Variants in NEK6 observed in about 807,000 individuals in gnomAD.
NEK6 encodes the protein NIMA related kinase 6.
NEK6 carries 27 observed loss-of-function variants against 43.5 expected under a neutral mutation model. The observed-to-expected ratio is 0.62, with a 90% CI of 0.46 to 0.86. The LOEUF (loss-of-function observed/expected upper bound fraction) is 0.86, where lower values mean the gene tolerates loss of function less well. NEK6 is among the 40% of genes least tolerant of loss of function. NEK6 has a pLI of 0.00. For missense variants in NEK6, 318 were observed against 414.4 expected, an observed-to-expected ratio of 0.77 and a Z score of 2.02; for synonymous variants, 167 against 164.1, an observed-to-expected ratio of 1.02 and a Z score of -0.14.
chr9:124,326,715 C>T lies in NEK6; in HGVS notation c.514+277C>T, dbSNP rs1834357942. On this transcript the variant is annotated intron_variant, in intron 6 of 9. Coordinates refer to ENST00000320246, the MANE Select transcript of NEK6 (RefSeq NM_014397.6). This position sits in a 1 kb window ranked among gnomAD's most constrained non-coding sequence, Gnocchi z 4.5. ...CAGCCTGGGAGGGAGGTCGAGGAAG[C>T]CTCGCACAGAGGGGACTTTCATGGG... 6.6e-6 allele frequency among the ~76,000 whole-genome samples: 1 copy of T among 152,190 alleles called. No individual in the cohort carries two copies. The highest frequency in any genetic ancestry group is 6.5e-5 in the Admixed American group (1 of 15,284).
intron 9 of NEK6, among the ~76,000 whole-genome samples, chr9:124,348,359 C>T (rs1447766393): frequency 6.6e-6 from 1 of 152,200 alleles, no homozygotes; most frequent in Non-Finnish European, 1.5e-5. Flanking sequence ...ATGGGTCTGG[C>T]ATGGGGCTGT....
chr9:124,290,316 G>A (rs953657159), intron 1 of NEK6, among the ~76,000 whole-genome samples: 7 of 152,234 alleles, frequency 4.6e-5, no homozygotes, highest in South Asian at 2.1e-4. Flanking sequence ...GGTGCCACAC[G>A]CACCAGGTCC....
At chr9:124,339,719 C>T in intron 8 of NEK6, 54 bp downstream of exon 8, 1 of 1,326,668 alleles carries the variant, frequency 7.5e-7, no homozygotes, top group Non-Finnish European at 1.1e-6. Flanking sequence ...ATGGGGGGTG[C>T]CCAGTTAGGA....
chr9:124,261,312 C>G (rs1831021832), intron 1 of NEK6: 1 of 797,476 alleles, frequency 1.3e-6, no homozygotes, highest in Non-Finnish European at 1.5e-6. Flanking sequence ...GCCCCAGATA[C>G]TTTTCATAAG....
In NEK6 at chr9:124,326,808, C is replaced by G. The variant is rs184013019; in HGVS notation, c.514+370C>G. 2.0e-5 allele frequency among the ~76,000 whole-genome samples: 3 copies of G among 152,296 alleles called. No individual in the cohort carries two copies. In the East Asian group the frequency reaches 5.8e-4, roughly 29 times the overall value. On this transcript the variant is annotated intron_variant, in intron 6 of 9. Coordinates refer to ENST00000320246, the MANE Select transcript of NEK6 (RefSeq NM_014397.6). The surrounding 1 kb of genome is among the most constrained non-coding windows in gnomAD (Gnocchi z 4.5). ...CTGAGAGGGGTGTTTCCACAGTTGA[C>G]ATGATTCCGAGTTGTGAGAAAGGAG...
At chr9:124,285,862 GATA>G (rs1031167579) in intron 1 of NEK6, among the ~76,000 whole-genome samples, 6 of 152,182 alleles carry the variant, frequency 3.9e-5, no homozygotes, top group Non-Finnish European at 1.5e-5. Flanking sequence ...GTAAAACGGA[GATA>G]ATAATTTACC....
chr9:124,278,737 A>G (rs1831758721), intron 1 of NEK6, among the ~76,000 whole-genome samples: 1 of 152,192 alleles, frequency 6.6e-6, no homozygotes, highest in African/African-American at 2.4e-5. Context: ...GACACATTAT[A>G]CAGCTGGGGA....
At chr9:124,283,024 A>G (rs1323657832) in intron 1 of NEK6, among the ~76,000 whole-genome samples, 1 of 152,204 alleles carries the variant, frequency 6.6e-6, no homozygotes, top group East Asian at 1.9e-4. Context: ...CTGTTCCCCC[A>G]GAGGCCTTTA....
chr9:124,314,093 C>G, intron 4 of NEK6, 108 bp downstream of exon 4: 1 of 977,394 alleles, frequency 1.0e-6, no homozygotes, highest in Non-Finnish European at 1.6e-6. Context: ...GAATCCGCAG[C>G]CCCTGCTAAG....
chr9:124,344,455 G>A (rs1301132251), intron 8 of NEK6, among the ~76,000 whole-genome samples: 2 of 152,214 alleles, frequency 1.3e-5, no homozygotes, highest in Non-Finnish European at 2.9e-5. Flanking sequence ...CCTGGCCCTC[G>A]GGTGGGGCCC....
intron 1 of NEK6, among the ~76,000 whole-genome samples, chr9:124,299,131 C>T (rs1211981531): frequency 1.3e-5 from 2 of 152,248 alleles, no homozygotes; most frequent in African/African-American, 4.8e-5. Flanking sequence ...ATTCCACTGC[C>T]ACAGTTTCCA....
chr9:124,299,550 G>A (rs1337239011), intron 1 of NEK6, among the ~76,000 whole-genome samples: 3 of 152,182 alleles, frequency 2.0e-5, no homozygotes, highest in South Asian at 2.1e-4. Flanking sequence ...GCAAGAACTC[G>A]GCACAAATGG....
intron 1 of NEK6, chr9:124,292,912 G>A: frequency 1.3e-6 from 2 of 1,514,324 alleles, no homozygotes; most frequent in Non-Finnish European, 1.8e-6. Context: ...GGAGTGACGG[G>A]GTGAGTCCAG....
chr9:124,282,656 A>G (rs1383156551), intron 1 of NEK6, among the ~76,000 whole-genome samples: 1 of 150,958 alleles, frequency 6.6e-6, no homozygotes, highest in Non-Finnish European at 1.5e-5. Context: ...CTGAATACTC[A>G]GGGGCACGGG....
At chr9:124,283,987 A>C (rs1832039125) in intron 1 of NEK6, among the ~76,000 whole-genome samples, 1 of 152,174 alleles carries the variant, frequency 6.6e-6, no homozygotes, top group South Asian at 2.1e-4. Flanking sequence ...CCATTGAGTG[A>C]GCAAATAATG....
chr9:124,280,883 C>T (rs1831874608), intron 1 of NEK6, among the ~76,000 whole-genome samples: 1 of 152,028 alleles, frequency 6.6e-6, no homozygotes, highest in African/African-American at 2.4e-5. Context: ...GCCTTGACTT[C>T]CTGGGCTCAA....
intron 4 of NEK6, among the ~76,000 whole-genome samples, chr9:124,316,335 A>T (rs993247683): frequency 1.3e-5 from 2 of 152,218 alleles, no homozygotes; most frequent in African/African-American, 4.8e-5. Flanking sequence ...TCACCACTGA[A>T]TGCTGGACAC....
At chr9:124,285,894 T>C (rs547830449) in intron 1 of NEK6, among the ~76,000 whole-genome samples, 2 of 152,316 alleles carry the variant, frequency 1.3e-5, no homozygotes, top group African/African-American at 4.8e-5. Flanking sequence ...AAGGCTGTTA[T>C]GAGGATTAAA....
chr9:124,292,342 A>G, intron 1 of NEK6: 3 of 1,464,372 alleles, frequency 2.0e-6, no homozygotes, highest in East Asian at 2.5e-5. Flanking sequence ...CTGCTTTCAC[A>G]TTGAGTAATC....
Sources: gnomAD v4.1 joint callset for allele counts (sites outside exome capture counted in the v4.1 genomes callset) on GRCh38, gnomAD v4.1.1 for gene constraint, Gnocchi (gnomAD v3.1) non-coding constraint, MANE v1.5 for transcripts, NCBI Gene and HGNC (gene_info 2026-07-23, HGNC 2026-07-21) for gene names.